DNAH14: variants seen among roughly 807,000 people sequenced by gnomAD.
DNAH14 encodes the protein dynein axonemal heavy chain 14, also known as axonemal beta dynein heavy chain 14.
In DNAH14, 478 loss-of-function variants were observed where a neutral mutation model predicts 520.9. The ratio of observed to expected loss-of-function variants is 0.92; its 90% CI spans 0.85 to 0.99. The LOEUF (loss-of-function observed/expected upper bound fraction) is 0.99, where lower values mean the gene tolerates loss of function less well. DNAH14 is among the 50% of genes least tolerant of loss of function. The pLI, the probability that DNAH14 is intolerant of heterozygous loss-of-function variation, is 0.00. For synonymous variants in DNAH14, 1,581 were observed against 1,757.2 expected (o/e 0.90, Z 2.51); for missense variants, 4,831 against 5,234.5 (o/e 0.92, Z 2.38).
chr1:224,954,442 A>C (rs1269174344), intron 2 of DNAH14: 1 of 152,532 alleles, frequency 6.6e-6, no homozygotes, highest in Admixed American at 6.6e-5. Flanking sequence ...GTAGGCAGTA[A>C]TTTTGGATTC....
At chr1:225,183,567 G>T (rs2084302483) in intron 36 of DNAH14, among the ~76,000 whole-genome samples, 1 of 151,736 alleles carries the variant, frequency 6.6e-6, no homozygotes. Flanking sequence ...TAAAATCAGA[G>T]CAGAACTGAA....
intron 81 of DNAH14, among the ~76,000 whole-genome samples, chr1:225,385,981 G>A (rs1490575354): frequency 1.3e-5 from 2 of 152,054 alleles, no homozygotes; most frequent in Admixed American, 6.6e-5. Context: ...TTCAAACTAT[G>A]CTACAAGGCT....
intron 21 of DNAH14, among the ~76,000 whole-genome samples, chr1:225,093,151 T>A (rs1573008845): frequency 6.6e-6 from 1 of 152,224 alleles, no homozygotes; most frequent in East Asian, 1.9e-4. Flanking sequence ...CATTCTGTGA[T>A]GCCAGAATCA....
At chr1:225,020,705 T>G (rs1008125479) in intron 10 of DNAH14, among the ~76,000 whole-genome samples, 7 of 151,964 alleles carry the variant, frequency 4.6e-5, no homozygotes, top group South Asian at 2.1e-4. Flanking sequence ...ATAACAGCCT[T>G]GGACCATATG....
At chr1:224,975,423 A>G (rs2061753760) in intron 8 of DNAH14, among the ~76,000 whole-genome samples, 1 of 152,082 alleles carries the variant, frequency 6.6e-6, no homozygotes, top group South Asian at 2.1e-4. Flanking sequence ...TGGTCTATTC[A>G]GAGATTCAAC....
In DNAH14 at chr1:225,119,229, TG is replaced by T. The variant is rs1471640990; in HGVS notation, c.4102del (p.Val1368Ter). The T allele has an allele frequency of 6.6e-7, 1 of 1,519,340 alleles. No homozygotes were observed. The highest frequency in any genetic ancestry group is 8.8e-7 in the Non-Finnish European group (1 of 1,133,158). 94.1% of individuals were successfully genotyped at this position (1,519,340 alleles called of 1,614,324 possible). On this transcript the variant is annotated frameshift_variant, in exon 26 of 86. Coordinates refer to ENST00000682510, the MANE Select transcript of DNAH14 (RefSeq NM_001367479.1). LOFTEE classifies it high-confidence loss of function. ...TTGAAACTAATTTTAGGAAAATTCG[TG>T]TAAGAAGTGCTGTAGAACAGTGGCT... ...EGLVLPKKIR[V>X]RSAVEQWLVN...
At chr1:225,174,155 A>G (rs1404387735) in intron 36 of DNAH14, among the ~76,000 whole-genome samples, 1 of 152,160 alleles carries the variant, frequency 6.6e-6, no homozygotes, top group Non-Finnish European at 1.5e-5. Flanking sequence ...AGATATACCT[A>G]ATATTAAATG....
chr1:224,936,272 T>C (rs1410838107), intron 1 of DNAH14, among the ~76,000 whole-genome samples: 1 of 151,530 alleles, frequency 6.6e-6, no homozygotes, highest in African/African-American at 2.4e-5. Context: ...AATGAAAAAC[T>C]GATCATTTGA....
At chr1:225,389,708 C>T (rs1354966492) in intron 82 of DNAH14, 26 bp from the exon 83 acceptor site, 1 of 1,551,126 alleles carries the variant, frequency 6.4e-7, no homozygotes, top group Admixed American at 2.0e-5. Context: ...CCCTTAACCC[C>T]CAACCTGTGG....
chr1:225,157,947 C>T (rs1336828208), intron 34 of DNAH14, among the ~76,000 whole-genome samples: 1 of 152,126 alleles, frequency 6.6e-6, no homozygotes, highest in Non-Finnish European at 1.5e-5. Flanking sequence ...TACAAAATCA[C>T]AGATAGGAGG....
intron 55 of DNAH14, among the ~76,000 whole-genome samples, chr1:225,300,595 G>T (rs181648867): frequency 2.0e-5 from 3 of 152,136 alleles, no homozygotes; most frequent in Admixed American, 1.3e-4. Context: ...TAGCTATTTG[G>T]GAGGGTGAGG....
At chr1:225,188,448 A>C (rs546993864) in intron 37 of DNAH14, among the ~76,000 whole-genome samples, 57 of 152,030 alleles carry the variant, frequency 3.7e-4, no homozygotes, top group East Asian at 1.7e-3. Context: ...TATTGTTAAC[A>C]TCTTACTGTG....
chr1:225,387,777 G>T (rs1340761281), intron 81 of DNAH14, among the ~76,000 whole-genome samples: 2 of 152,098 alleles, frequency 1.3e-5, no homozygotes, highest in Non-Finnish European at 2.9e-5. Context: ...CCAGAAGAGG[G>T]GACAGTAAAC....
intron 11 of DNAH14, among the ~76,000 whole-genome samples, chr1:225,030,480 T>C (rs1197665412): frequency 6.6e-6 from 1 of 152,004 alleles, no homozygotes. Flanking sequence ...TGATGAATTT[T>C]TCCAATATTT....
chr1:225,129,006 A>C (rs2148935826), intron 27 of DNAH14, among the ~76,000 whole-genome samples: 1 of 152,282 alleles, frequency 6.6e-6, no homozygotes, highest in East Asian at 1.9e-4. Context: ...AATCACAAGC[A>C]TTCTTATACA....
chr1:224,962,759 T>C (rs1285436682), intron 4 of DNAH14, among the ~76,000 whole-genome samples: 3 of 152,204 alleles, frequency 2.0e-5, no homozygotes, highest in Non-Finnish European at 2.9e-5. Flanking sequence ...AATGTTTTCT[T>C]TCCAGCTTTT....
At chr1:225,348,612 T>G (rs1294814644) in intron 71 of DNAH14, among the ~76,000 whole-genome samples, 1 of 152,148 alleles carries the variant, frequency 6.6e-6, no homozygotes, top group African/African-American at 2.4e-5. Context: ...CCAATAATAC[T>G]GTATGTGTCA....
At chr1:225,314,389 A>G (rs2094430077) in intron 60 of DNAH14, among the ~76,000 whole-genome samples, 1 of 152,240 alleles carries the variant, frequency 6.6e-6, no homozygotes, top group East Asian at 1.9e-4. Context: ...ACTTTATCCA[A>G]TTTACCAGTC....
At chr1:225,008,824 G>GT (rs932219444) in intron 10 of DNAH14, among the ~76,000 whole-genome samples, 3 of 151,264 alleles carry the variant, frequency 2.0e-5, no homozygotes, top group Admixed American at 1.3e-4. Context: ...ATGATGAGCT[G>GT]TTTTTTTTCA....
Sources: allele counts gnomAD v4.1 joint callset (sites outside exome capture counted in the v4.1 genomes callset), GRCh38; gene constraint gnomAD v4.1.1; transcripts MANE v1.5; gene names NCBI Gene and HGNC (gene_info 2026-07-23, HGNC 2026-07-21).